Variants in CDH4 observed in about 807,000 individuals in gnomAD.
CDH4 encodes the protein cadherin 4.
Under a neutral mutation model 86.0 loss-of-function variants are expected in CDH4, and 33 were observed. That is an observed-to-expected ratio of 0.38 (90% confidence interval 0.29 to 0.51). CDH4 has a LOEUF of 0.51. Ranked by LOEUF, CDH4 falls within the 20% of genes least tolerant of loss-of-function variation. CDH4 has a pLI of 0.86. For synonymous variants in CDH4, 555 were observed against 549.4 expected, an observed-to-expected ratio of 1.01 and a Z score of -0.14; for missense variants, 1,114 against 1,307.4, an observed-to-expected ratio of 0.85 and a Z score of 2.28.
intron 5 of CDH4, among the ~76,000 whole-genome samples, chr20:61,845,669 C>T (rs1393519395): frequency 1.3e-5 from 2 of 151,962 alleles, no homozygotes; most frequent in Admixed American, 6.5e-5. Flanking sequence ...AGTCCCTGCT[C>T]CTCCTCATGG....
chr20:61,825,397 G>A (rs569952918), intron 4 of CDH4, among the ~76,000 whole-genome samples: 1 of 152,272 alleles, frequency 6.6e-6, no homozygotes, highest in African/African-American at 2.4e-5. Context: ...GTAGGACTCT[G>A]TCTCAAAAAT....
At chr20:61,550,084 G>T (rs1217430700) in intron 2 of CDH4, among the ~76,000 whole-genome samples, 2 of 151,140 alleles carry the variant, frequency 1.3e-5, no homozygotes, top group South Asian at 2.1e-4. Context: ...CTGCTTCCCT[G>T]GCCTCCCTGC....
intron 2 of CDH4, among the ~76,000 whole-genome samples, chr20:61,568,487 A>G (rs1225231814): frequency 6.6e-6 from 1 of 152,146 alleles, no homozygotes; most frequent in Non-Finnish European, 1.5e-5. Flanking sequence ...TCCTTTATAA[A>G]TTACCCAGTC....
intron 2 of CDH4, among the ~76,000 whole-genome samples, chr20:61,571,910 C>T (rs2086345025): frequency 6.6e-6 from 1 of 152,062 alleles, no homozygotes; most frequent in South Asian, 2.1e-4. Context: ...AGTACATGCT[C>T]ATGTTTTGTT....
chr20:61,865,344 T>C (rs1260642547), intron 6 of CDH4, among the ~76,000 whole-genome samples: 1 of 152,194 alleles, frequency 6.6e-6, no homozygotes, highest in Non-Finnish European at 1.5e-5. Context: ...CTGGTTAGTG[T>C]AGATAATGGG....
At chr20:61,645,592 T>C (rs1049865397) in intron 2 of CDH4, among the ~76,000 whole-genome samples, 1 of 150,828 alleles carries the variant, frequency 6.6e-6, no homozygotes, top group Admixed American at 6.6e-5. Context: ...GTCACACCAC[T>C]GTACTGCAGC....
intron 2 of CDH4, among the ~76,000 whole-genome samples, chr20:61,506,802 G>T (rs1380609702): frequency 6.6e-6 from 1 of 152,188 alleles, no homozygotes; most frequent in Non-Finnish European, 1.5e-5. Flanking sequence ...GATGGGAACT[G>T]CTGGGAGAAA....
chr20:61,816,681 C>T (rs896639674), intron 4 of CDH4, among the ~76,000 whole-genome samples: 26 of 123,212 alleles, frequency 2.1e-4, no homozygotes, highest in African/African-American at 6.3e-4. Flanking sequence ...GTGAATCGCA[C>T]GTTAAATGGG....
Position 61,844,881 on chromosome 20 carries a change from A to G in CDH4, c.732+58A>G, listed in dbSNP as rs749846299. ...CTGGGGTGGCGATCCCAGCCCTACC[A>G]GGCCTTGGCAGGTGCCCCCAGCAGG... On this transcript the variant is annotated intron_variant, in intron 5 of 15. Coordinates refer to ENST00000614565, the MANE Select transcript of CDH4 (RefSeq NM_001794.5). The G allele has an allele frequency of 1.0e-3, 1,562 of 1,529,256 alleles. 1 individual carries two copies. The highest frequency in any genetic ancestry group is 1.3e-3 in the Non-Finnish European group (1,467 of 1,126,958). The allele number at this position is 1,529,256 out of a possible 1,614,324, so 94.7% of individuals were successfully genotyped here.
chr20:61,344,599 C>T (rs1197167893), intron 2 of CDH4, among the ~76,000 whole-genome samples: 2 of 152,124 alleles, frequency 1.3e-5, no homozygotes, highest in Non-Finnish European at 1.5e-5. Flanking sequence ...GGGGCCAAAC[C>T]GCCTCTTCAC....
chr20:61,664,522 G>A (rs2087300787), intron 2 of CDH4, among the ~76,000 whole-genome samples: 1 of 152,218 alleles, frequency 6.6e-6, no homozygotes, highest in African/African-American at 2.4e-5. Context: ...CTGGGAGCCG[G>A]GCCCAGGAGT....
intron 2 of CDH4, among the ~76,000 whole-genome samples, chr20:61,338,783 C>T (rs77857834): frequency 0.038 from 5,732 of 152,136 alleles, 162 homozygotes; most frequent in African/African-American, 0.092. Context: ...TTGAACTATC[C>T]TCAGGGCGAA....
chr20:61,811,686 T>A lies in CDH4; in HGVS notation c.577-32982T>A, dbSNP rs1277558377. ...CGCCCCTGGCTGCCTACTGAGCTTT[T>A]TTTTTTTTTTTTTTGAGTTGGCACC... On this transcript the variant is annotated intron_variant, in intron 4 of 15. Transcript: ENST00000614565. The surrounding 1 kb of genome is among the most constrained non-coding windows in gnomAD (Gnocchi z 4.4). Among the ~76,000 whole-genome samples the A allele has an allele frequency of 7.9e-6, 1 of 127,204 alleles. No homozygotes were observed. Among genetic ancestry groups the A allele is most frequent in the Admixed American group, 7.9e-5 (1 of 12,678 alleles). The allele number at this position is 127,204 out of a possible 152,430, so 83.5% of individuals were successfully genotyped here. A position where few individuals can be genotyped will look rare whatever the true frequency, so the allele number is the denominator to read the frequency against.
At chr20:61,402,154 G>A (rs1159256249) in intron 2 of CDH4, among the ~76,000 whole-genome samples, 2 of 152,174 alleles carry the variant, frequency 1.3e-5, no homozygotes, top group African/African-American at 4.8e-5. Flanking sequence ...CTCAGTATCT[G>A]TGGAGGACTG....
rs945060365 is a variant in CDH4, at chr20:61,548,317, G to A, written c.170-195246G>A. 2.6e-5 allele frequency among the ~76,000 whole-genome samples: 4 copies of A among 152,194 alleles called. No individual in the cohort carries two copies. In the East Asian group the frequency reaches 5.8e-4, roughly 22 times the overall value. ...CTGAGAGGGCTCCAGGCTGAGGCTC[G>A]GGCAGGCAGGTGGAAGGAGGGAAAA... On this transcript the variant is annotated intron_variant, in intron 2 of 15. Transcript: ENST00000614565.
intron 7 of CDH4, among the ~76,000 whole-genome samples, chr20:61,884,260 G>A (rs936957105): frequency 1.3e-5 from 2 of 152,202 alleles, no homozygotes; most frequent in Admixed American, 6.5e-5. Context: ...CACAAGAGCT[G>A]AGGCAGCTGC....
In CDH4 at chr20:61,686,697, GTA is replaced by G. The variant is rs1399095478; in HGVS notation, c.170-56864_170-56863del. 1.4e-4 allele frequency among the ~76,000 whole-genome samples: 21 copies of G among 151,564 alleles called. No homozygotes were observed. In the South Asian group the frequency reaches 3.8e-3, roughly 27 times the overall value. On this transcript the variant is annotated intron_variant, in intron 2 of 15. Transcript: ENST00000614565. Reference sequence around the variant, plus strand: ...CGTGTGCATTTGTGTGTGCATGTGTGTATGTGCGTGTGCATTCCCGTGTGTGT... The same window carrying G: ...CGTGTGCATTTGTGTGTGCATGTGTGTGTGCGTGTGCATTCCCGTGTGTGT...
At chr20:61,466,402 G>A (rs1321144408) in intron 2 of CDH4, among the ~76,000 whole-genome samples, 3 of 152,178 alleles carry the variant, frequency 2.0e-5, no homozygotes, top group Non-Finnish European at 2.9e-5. Flanking sequence ...TAATAAGATC[G>A]TGCATAGCAG....
rs531454535 is a variant in CDH4, at chr20:61,402,680, T to C, written c.169+147743T>C. Among the ~76,000 whole-genome samples the C allele has an allele frequency of 1.1e-4, 16 of 152,328 alleles. No individual in the cohort carries two copies. In the South Asian group the frequency reaches 3.3e-3, roughly 32 times the overall value. ...GGCTGGGATTACAGGCATGAGCCAC[T>C]GTGCCTGGCCCAGATGCAGTTTTTA... On this transcript the variant is annotated intron_variant, in intron 2 of 15. Coordinates refer to ENST00000614565, the MANE Select transcript of CDH4 (RefSeq NM_001794.5).
Sources: allele counts gnomAD v4.1 joint callset (sites outside exome capture counted in the v4.1 genomes callset), GRCh38; gene constraint gnomAD v4.1.1; non-coding constraint Gnocchi (gnomAD v3.1); transcripts MANE v1.5; gene names NCBI Gene and HGNC (gene_info 2026-07-23, HGNC 2026-07-21).